ZDHHC7: variants seen among roughly 807,000 people sequenced by gnomAD.
ZDHHC7 encodes zDHHC palmitoyltransferase 7, also known as palmitoyltransferase ZDHHC7.
In ZDHHC7, 12 loss-of-function variants were observed where a neutral mutation model predicts 34.1. The observed-to-expected ratio is 0.35, with a 90% CI of 0.23 to 0.57. The LOEUF (loss-of-function observed/expected upper bound fraction) is 0.57. Ranked by LOEUF, ZDHHC7 falls within the 20% of genes least tolerant of loss-of-function variation. The pLI is 0.84. For synonymous variants in ZDHHC7, 185 were observed against 155.4 expected (o/e 1.19, Z -1.42); for missense variants, 388 against 402.7 (o/e 0.96, Z 0.31).
At chr16:85,013,796 T>C (rs2072823047), upstream of ZDHHC7, among the ~76,000 whole-genome samples, 1 of 152,164 alleles carries the variant, frequency 6.6e-6, no homozygotes, top group Non-Finnish European at 1.5e-5. Context: ...CAAGCAATTC[T>C]CCTGCCTCAG....
At chr16:85,010,849 G>C (rs1183028976) in intron 1 of ZDHHC7, among the ~76,000 whole-genome samples, 2 of 152,228 alleles carry the variant, frequency 1.3e-5, no homozygotes, top group Admixed American at 6.5e-5. Flanking sequence ...GAGAATAAAA[G>C]AGAAAAGTTT....
At position 84,976,316 on chromosome 16, in the gene ZDHHC7, G is replaced by A. The variant is rs370899314; in HGVS notation, c.*27C>T. The A allele has an allele frequency of 8.1e-6, 13 of 1,609,418 alleles. No individual in the cohort carries two copies. The highest frequency in any genetic ancestry group is 1.1e-5 in the Non-Finnish European group (13 of 1,179,088). ...CAAATAAATAACTGGAAGTCTGTGA[G>A]CAAGTTTCAGTCTGATGAGCCACGC... On this transcript the variant is annotated 3_prime_UTR_variant, in exon 8 of 8. Coordinates refer to ENST00000313732, the MANE Select transcript of ZDHHC7 (RefSeq NM_017740.3).
chr16:85,007,932 G>A (rs761238356), intron 1 of ZDHHC7, among the ~76,000 whole-genome samples: 13 of 152,028 alleles, frequency 8.6e-5, no homozygotes, highest in East Asian at 1.9e-4. Context: ...AGACCAGCCT[G>A]GGTATCATAG....
intron 3 of ZDHHC7, among the ~76,000 whole-genome samples, chr16:84,988,246 G>A (rs550336861): frequency 1.3e-5 from 2 of 152,244 alleles, no homozygotes; most frequent in South Asian, 2.1e-4. Flanking sequence ...AGGGCGTCGG[G>A]TGGTGGGGTC....
chr16:84,999,769 G>A (rs960044446), intron 1 of ZDHHC7, among the ~76,000 whole-genome samples: 2 of 152,172 alleles, frequency 1.3e-5, no homozygotes, highest in Non-Finnish European at 2.9e-5. Flanking sequence ...TGTATCTTGA[G>A]AGGGAAGTGG....
intron 1 of ZDHHC7, among the ~76,000 whole-genome samples, chr16:85,002,543 G>A (rs961779803): frequency 6.6e-6 from 1 of 152,158 alleles, no homozygotes; most frequent in African/African-American, 2.4e-5. Context: ...GCTCCCAAGT[G>A]CCAGTCATCC....
intron 1 of ZDHHC7, among the ~76,000 whole-genome samples, chr16:84,996,631 A>G (rs1000566693): frequency 1.3e-5 from 2 of 152,194 alleles, no homozygotes; most frequent in African/African-American, 2.4e-5. Context: ...AAACCCAACA[A>G]GAAGGTCAGA....
chr16:84,983,367 A>C (rs2072395065), intron 3 of ZDHHC7, among the ~76,000 whole-genome samples: 1 of 152,182 alleles, frequency 6.6e-6, no homozygotes, highest in Non-Finnish European at 1.5e-5. Flanking sequence ...CACAGATCTG[A>C]ACCTCTGCAG....
chr16:84,987,245 C>T (rs1190679252), intron 3 of ZDHHC7, among the ~76,000 whole-genome samples: 5 of 152,212 alleles, frequency 3.3e-5, no homozygotes, highest in South Asian at 4.1e-4. Flanking sequence ...CCAGAGGACT[C>T]AAGCAGACAT....
chr16:85,018,466 A>C, the ZDHHC7 span, among the ~76,000 whole-genome samples: 7 of 126,680 alleles, frequency 5.5e-5, no homozygotes, highest in Non-Finnish European at 9.9e-5. Flanking sequence ...TTTTTTTTTA[A>C]GACAGAGTTT....
intron 3 of ZDHHC7, among the ~76,000 whole-genome samples, chr16:84,986,509 G>C (rs2072439109): frequency 6.6e-6 from 1 of 152,210 alleles, no homozygotes; most frequent in African/African-American, 2.4e-5. Context: ...TGGCATTGAA[G>C]ACACAGGCTC....
At chr16:84,990,871 T>C (rs2072501062) in intron 2 of ZDHHC7, among the ~76,000 whole-genome samples, 1 of 26,218 alleles carries the variant, frequency 3.8e-5, no homozygotes. Context: ...ATACAAAACC[T>C]ATCTATGGCC....
chr16:85,018,954 G>A, the ZDHHC7 span, among the ~76,000 whole-genome samples: 1 of 152,196 alleles, frequency 6.6e-6, no homozygotes, highest in Non-Finnish European at 1.5e-5. Context: ...TAAACCCGAA[G>A]AGGGTGACGT....
At chr16:85,021,748 C>T in the ZDHHC7 span, among the ~76,000 whole-genome samples, 8 of 141,902 alleles carry the variant, frequency 5.6e-5, 1 homozygote, top group South Asian at 2.2e-4. Context: ...AGAAAGAGAA[C>T]AAGAGAGAGA....
chr16:84,989,265 A>C (rs1049691166), intron 3 of ZDHHC7, among the ~76,000 whole-genome samples: 2 of 152,214 alleles, frequency 1.3e-5, no homozygotes, highest in African/African-American at 4.8e-5. Context: ...ACAGCTGCCC[A>C]TGACCTCTAC....
At chr16:85,012,148 AAGGC>A (rs1251269880), upstream of ZDHHC7, among the ~76,000 whole-genome samples, 4 of 152,152 alleles carry the variant, frequency 2.6e-5, no homozygotes, top group Non-Finnish European at 4.4e-5. Context: ...TTGGGAAGCC[AAGGC>A]AGGCTGATCA....
intron 1 of ZDHHC7, among the ~76,000 whole-genome samples, chr16:85,008,437 G>A (rs1381275487): frequency 1.3e-5 from 2 of 151,878 alleles, no homozygotes; most frequent in African/African-American, 4.9e-5. Context: ...TCGTGCCTTT[G>A]GTGCTTCCCC....
chr16:85,002,803 T>G (rs1313278896), intron 1 of ZDHHC7, among the ~76,000 whole-genome samples: 1 of 151,634 alleles, frequency 6.6e-6, no homozygotes, highest in African/African-American at 2.4e-5. Flanking sequence ...TGAAGAGAAG[T>G]GAAAGCAGTT....
intron 1 of ZDHHC7, among the ~76,000 whole-genome samples, chr16:85,001,325 G>C (rs2143714577): frequency 6.6e-6 from 1 of 152,160 alleles, no homozygotes; most frequent in Non-Finnish European, 1.5e-5. Context: ...ACAAAAATTA[G>C]CCAGGCATGG....
Sources: gnomAD v4.1 joint callset for allele counts (sites outside exome capture counted in the v4.1 genomes callset) on GRCh38, gnomAD v4.1.1 for gene constraint, MANE v1.5 for transcripts, NCBI Gene and HGNC (gene_info 2026-07-23, HGNC 2026-07-21) for gene names.